NOTCH2: variants seen among roughly 807,000 people sequenced by gnomAD.
NOTCH2 encodes neurogenic locus notch homolog protein 2.
A neutral mutation model predicts 235.8 loss-of-function variants in NOTCH2; 29 were observed. That is an observed-to-expected ratio of 0.12 (90% confidence interval 0.09 to 0.17). The LOEUF (loss-of-function observed/expected upper bound fraction) is 0.17, where lower values mean the gene tolerates loss of function less well. NOTCH2 is among the 10% of genes least tolerant of loss of function. The probability of loss-of-function intolerance (pLI) is 1.00; values close to 1 mark genes in which losing one functional copy is unlikely to be tolerated. For synonymous variants in NOTCH2, 1,086 were observed against 1,141.5 expected, an observed-to-expected ratio of 0.95 and a Z score of 0.98; for missense variants, 2,285 against 3,150.2, an observed-to-expected ratio of 0.73 and a Z score of 6.57.
chr1:119,941,167 A>G (rs1428466490), intron 18 of NOTCH2, among the ~76,000 whole-genome samples: 1 of 152,218 alleles, frequency 6.6e-6, no homozygotes, highest in Non-Finnish European at 1.5e-5. Flanking sequence ...ATGAAACAAA[A>G]CTCCCAGAAA....
intron 33 of NOTCH2, among the ~76,000 whole-genome samples, chr1:119,917,199 G>A (rs749669710): frequency 2.6e-5 from 4 of 151,754 alleles, no homozygotes; most frequent in Non-Finnish European, 4.4e-5. Flanking sequence ...GTGCAAGAAA[G>A]GACTAAGATA....
chr1:119,949,624 G>A (rs1210498494), intron 15 of NOTCH2, among the ~76,000 whole-genome samples: 2 of 152,070 alleles, frequency 1.3e-5, no homozygotes, highest in South Asian at 2.1e-4. Context: ...CTGACCTCGT[G>A]ATCCGCCTGC....
chr1:119,925,346 C>G lies in NOTCH2; in HGVS notation c.4470G>C (p.Leu1490=), dbSNP rs368252101. Residue 1490 remains leucine (L), a synonymous_variant, in exon 25 of 34, where the codon CTG becomes CTC. Coordinates refer to ENST00000256646, the MANE Select transcript of NOTCH2 (RefSeq NM_024408.4). ...TCCCCTGGCATTCAAAGTTGTCAAA[C>G]AGGCACTCGACCGTGTTGCACAGCT... is the stretch of plus-strand genomic sequence containing the variant. ...CDELCNTVEC[L]FDNFECQGNS... The G allele has an allele frequency of 1.2e-6, 2 of 1,614,122 alleles. No homozygotes were observed. Among genetic ancestry groups the G allele is most frequent in the African/African-American group, 1.3e-5 (1 of 75,042 alleles).
intron 1 of NOTCH2, among the ~76,000 whole-genome samples, chr1:120,055,712 CAAAAT>C (rs1387833195): frequency 6.6e-6 from 1 of 151,734 alleles, no homozygotes; most frequent in Non-Finnish European, 1.5e-5. Context: ...TAAAACAAAA[CAAAAT>C]AAAAACCTGA....
chr1:119,926,975 T>A (rs1457645973), intron 23 of NOTCH2, among the ~76,000 whole-genome samples: 10 of 152,242 alleles, frequency 6.6e-5, no homozygotes. Flanking sequence ...AACTATTCAC[T>A]GCATTTTGTT....
intron 3 of NOTCH2, among the ~76,000 whole-genome samples, chr1:119,999,012 C>T (rs1310743121): frequency 3.4e-5 from 4 of 119,204 alleles, no homozygotes; most frequent in Non-Finnish European, 5.2e-5. Context: ...CTACAAAGGA[C>T]ATGAACTCAT....
intron 1 of NOTCH2, among the ~76,000 whole-genome samples, chr1:120,039,255 G>A (rs1570774123): frequency 6.6e-6 from 1 of 152,196 alleles, no homozygotes; most frequent in Admixed American, 6.5e-5. Flanking sequence ...GTGCTGCTTA[G>A]TGGTCAAAGA....
At chr1:120,001,528 C>G (rs1221081183) in intron 3 of NOTCH2, among the ~76,000 whole-genome samples, 1 of 152,216 alleles carries the variant, frequency 6.6e-6, no homozygotes, top group Non-Finnish European at 1.5e-5. Context: ...ACTGCCACTA[C>G]AGAGTGCCCA....
At chr1:119,936,156 A>C (rs1187562565) in intron 21 of NOTCH2, among the ~76,000 whole-genome samples, 1 of 152,196 alleles carries the variant, frequency 6.6e-6, no homozygotes, top group Non-Finnish European at 1.5e-5. Context: ...AAGAAAAAAG[A>C]TATGGCTGTG....
chr1:119,969,652 C>T lies in NOTCH2; in HGVS notation c.967G>A (p.Gly323Ser). ...CTCCAGCCGTTGACACATACACAGC[C>T]ATAGCCTCCATTGCGGTTGGCACAG... ...GTCANRNGGY[G>S]CVCVNGWSGD... The change falls in exon 6 of 34, where the codon GGC becomes AGC. Residue 323 changes from glycine to serine, a missense_variant. Transcript: ENST00000256646. 1 of 1,614,158 alleles carries T rather than the reference C, an allele frequency of 6.2e-7. No homozygotes were observed. Among genetic ancestry groups the T allele is most frequent in the South Asian group, 1.1e-5 (1 of 91,090 alleles).
At position 119,916,608 on chromosome 1, in the gene NOTCH2, G is replaced by C. The variant is rs2101145062; in HGVS notation, c.6114C>G (p.Ile2038Met). ...GGGGAAGACGATCCATATGGTCTGT[G>C]ATGTCTCGATTGGCAAAATGGTCTA... ...ILLDHFANRD[I>M]TDHMDRLPRD... The change falls in exon 34 of 34, where the codon ATC (isoleucine) becomes ATG (methionine). Residue 2038 changes from isoleucine (I) to methionine (M), a missense_variant. Ile to Met is a conservative substitution (Grantham distance 10). This residue lies in a region of NOTCH2 where 128 missense variants were observed against 255.9 expected (regional missense o/e 0.50). Transcript: ENST00000256646. The C allele has an allele frequency of 6.2e-7, 1 of 1,614,178 alleles. No homozygotes were observed. Among genetic ancestry groups the C allele is most frequent in the Admixed American group, 1.7e-5 (1 of 60,024 alleles).
intron 33 of NOTCH2, among the ~76,000 whole-genome samples, chr1:119,916,934 G>A: frequency 6.6e-6 from 1 of 152,164 alleles, no homozygotes; most frequent in East Asian, 1.9e-4. Flanking sequence ...TTGCCCCTTA[G>A]GGGGAACATC....
At chr1:119,931,401 C>T (rs587624880) in intron 22 of NOTCH2, among the ~76,000 whole-genome samples, 1 of 152,090 alleles carries the variant, frequency 6.6e-6, no homozygotes, top group East Asian at 1.9e-4. Flanking sequence ...ATAAAGTTAT[C>T]AGTTTTCTCT....
Position 119,934,913 on chromosome 1 carries a change from T to C in NOTCH2, c.3655+559A>G, listed in dbSNP as rs147848328. 5.7e-3 allele frequency among the ~76,000 whole-genome samples: 861 copies of C among 152,312 alleles called. 11 individuals carry two copies. The highest frequency in any genetic ancestry group is 0.02 in the African/African-American group (827 of 41,558). ...CCACTCAGTTCAAAAGCAGTGGCAATGCCCACAGAAGAATGATGGCCCCAT... is the reference window on the plus strand; with the variant it reads ...CCACTCAGTTCAAAAGCAGTGGCAACGCCCACAGAAGAATGATGGCCCCAT... On this transcript the variant is annotated intron_variant, in intron 22 of 33. Coordinates refer to ENST00000256646, the MANE Select transcript of NOTCH2 (RefSeq NM_024408.4).
chr1:119,948,935 G>T (rs1650359310), intron 16 of NOTCH2, 72 bp downstream of exon 16: 2 of 1,595,168 alleles, frequency 1.3e-6, no homozygotes, highest in African/African-American at 1.3e-5. Context: ...CCTTCCATAT[G>T]ATCTGATAAC....
intron 3 of NOTCH2, among the ~76,000 whole-genome samples, chr1:119,999,955 GAAAGAAAGAAAGAAAGA>G (rs1557840134): frequency 3.1e-5 from 4 of 129,448 alleles, no homozygotes; most frequent in African/African-American, 1.4e-4. Flanking sequence ...AAGAAAGAAA[GAAAGAAAGAAAGAAAGA>G]AAGAAAGGAA....
Position 119,986,951 on chromosome 1 carries a change from T to C in NOTCH2, c.874+9A>G, listed in dbSNP as rs889172032. The stretch of plus-strand genomic sequence containing the variant: ...TCCCATTCTGGTGGATTCTCCACAC[T>C]GTACATACCTGTCCATTGTGGGGGA... On this transcript the variant is annotated intron_variant, in intron 5 of 33. Coordinates refer to ENST00000256646, the MANE Select transcript of NOTCH2 (RefSeq NM_024408.4). The C allele has an allele frequency of 3.1e-6, 5 of 1,613,398 alleles. No homozygotes were observed. The African/African-American group carries it at 5.3e-5, about 17-fold the overall frequency.
chr1:119,982,698 A>G (rs1651859236), intron 5 of NOTCH2, among the ~76,000 whole-genome samples: 1 of 152,264 alleles, frequency 6.6e-6, no homozygotes, highest in African/African-American at 2.4e-5. Context: ...GCTTATCCCT[A>G]TAAGACACTT....
intron 25 of NOTCH2, 73 bp from the exon 26 acceptor site, chr1:119,924,057 G>T: frequency 7.7e-7 from 1 of 1,294,824 alleles, no homozygotes; most frequent in Non-Finnish European, 1.1e-6. Context: ...TTTTCATTTG[G>T]AACTACTGTG....
Sources: allele counts gnomAD v4.1 joint callset (sites outside exome capture counted in the v4.1 genomes callset), GRCh38; gene constraint gnomAD v4.1.1; regional missense constraint gnomAD v4.1.1; transcripts MANE v1.5; gene names NCBI Gene and HGNC (gene_info 2026-07-23, HGNC 2026-07-21).